The following CTNNA2 variants were observed in gnomAD, a reference collection of about 807,000 sequenced individuals.
The protein encoded by CTNNA2 is catenin alpha 2.
CTNNA2 carries 42 observed loss-of-function variants against 101.0 expected under a neutral mutation model. That is an observed-to-expected ratio of 0.42 (90% CI 0.32 to 0.54). The LOEUF is 0.54. Among genes scored for constraint, CTNNA2 ranks in the 20% least tolerant of loss-of-function variants. The pLI is 0.14. For missense variants in CTNNA2, 871 were observed against 1,223.1 expected, an observed-to-expected ratio of 0.71 and a Z score of 4.29; for synonymous variants, 450 against 456.4, an observed-to-expected ratio of 0.99 and a Z score of 0.18.
chr2:80,453,063 T>A (rs1231700803), intron 9 of CTNNA2, among the ~76,000 whole-genome samples: 1 of 151,976 alleles, frequency 6.6e-6, no homozygotes, highest in Non-Finnish European at 1.5e-5. Context: ...CCACACCCAG[T>A]GGGAATTTGT....
At chr2:79,266,953 T>C (rs1366007516) in intron 2 of CTNNA2, among the ~76,000 whole-genome samples, 1 of 152,082 alleles carries the variant, frequency 6.6e-6, no homozygotes, top group Non-Finnish European at 1.5e-5. Flanking sequence ...TTAGACCTAA[T>C]ATTTGAGCTT....
chr2:79,628,588 T>G (rs1005210386), intron 1 of CTNNA2, among the ~76,000 whole-genome samples: 1 of 152,232 alleles, frequency 6.6e-6, no homozygotes, highest in African/African-American at 2.4e-5. Context: ...AAATGTGCAG[T>G]CCTAACTGAA....
chr2:80,103,144 A>G (rs1700653328), intron 7 of CTNNA2, among the ~76,000 whole-genome samples: 1 of 152,162 alleles, frequency 6.6e-6, no homozygotes. Context: ...AGTCCACTCC[A>G]GCCACCATAA....
In CTNNA2 at chr2:79,680,510, G is replaced by C. The variant is rs914935699; in HGVS notation, c.102+28852G>C. 4.6e-5 allele frequency among the ~76,000 whole-genome samples: 7 copies of C among 152,160 alleles called. No homozygotes were observed. The South Asian group carries it at 1.4e-3, about 31-fold the overall frequency. ...AAAACATTGAGTGTATATGTAAAATGAAGGCTTTTCCTTGAATGTACCACA... is the reference window on the plus strand; with the variant it reads ...AAAACATTGAGTGTATATGTAAAATCAAGGCTTTTCCTTGAATGTACCACA... On this transcript the variant is annotated intron_variant, in intron 2 of 18. Transcript: ENST00000402739.
chr2:79,699,816 C>A (rs9973896), intron 2 of CTNNA2, among the ~76,000 whole-genome samples: 5,644 of 119,698 alleles, frequency 0.047, 140 homozygotes, highest in Middle Eastern at 0.13. Context: ...CACACACACA[C>A]ACACACACAC....
At chr2:80,544,727 A>C (rs1691886951) in intron 9 of CTNNA2, among the ~76,000 whole-genome samples, 1 of 152,110 alleles carries the variant, frequency 6.6e-6, no homozygotes, top group Admixed American at 6.5e-5. Context: ...CATAAGAAAA[A>C]ACAGTTCATA....
intron 3 of CTNNA2, among the ~76,000 whole-genome samples, chr2:79,856,253 G>A (rs1454874433): frequency 1.3e-5 from 2 of 152,154 alleles, no homozygotes; most frequent in African/African-American, 2.4e-5. Flanking sequence ...CCACATTCCC[G>A]AGTATAAAAA....
chr2:79,713,912 C>G (rs1047049577), intron 2 of CTNNA2, among the ~76,000 whole-genome samples: 1 of 152,174 alleles, frequency 6.6e-6, no homozygotes, highest in African/African-American at 2.4e-5. Flanking sequence ...TCATTGATTT[C>G]TTTGCTTATC....
chr2:80,039,226 A>G (rs908806153), intron 7 of CTNNA2, among the ~76,000 whole-genome samples: 2 of 152,144 alleles, frequency 1.3e-5, no homozygotes, highest in Non-Finnish European at 2.9e-5. Context: ...TGAGATAGGT[A>G]GAGTGCCCCT....
chr2:79,362,656 A>G (rs572214476), intron 3 of CTNNA2, among the ~76,000 whole-genome samples: 2 of 152,292 alleles, frequency 1.3e-5, no homozygotes, highest in East Asian at 3.9e-4. Flanking sequence ...ACGCAATGTA[A>G]ACAGAAGAAG....
intron 2 of CTNNA2, among the ~76,000 whole-genome samples, chr2:79,215,810 TGA>T (rs1489735597): frequency 2.0e-5 from 3 of 151,668 alleles, no homozygotes; most frequent in Non-Finnish European, 4.4e-5. Context: ...AGACCGGGTG[TGA>T]GGAGGGGAGG....
chr2:80,124,544 T>G (rs1702014517), intron 7 of CTNNA2, among the ~76,000 whole-genome samples: 1 of 152,164 alleles, frequency 6.6e-6, no homozygotes, highest in South Asian at 2.1e-4. Flanking sequence ...TATCCTCATT[T>G]TTTTCCAAAC....
At chr2:80,060,994 GCCTGAAGCCTCCATTTC>G in intron 7 of CTNNA2, among the ~76,000 whole-genome samples, 1 of 152,058 alleles carries the variant, frequency 6.6e-6, no homozygotes, top group African/African-American at 2.4e-5. Context: ...CCCTGGAATG[GCCTGAAGCCTCCATTTC>G]AACTGCACCA....
intron 2 of CTNNA2, among the ~76,000 whole-genome samples, chr2:79,669,244 C>T (rs1256500425): frequency 6.6e-6 from 1 of 152,180 alleles, no homozygotes; most frequent in Non-Finnish European, 1.5e-5. Flanking sequence ...GTAATAGGAT[C>T]AGTCAAATAT....
At chr2:79,299,192 A>G (rs1271287687) in intron 2 of CTNNA2, among the ~76,000 whole-genome samples, 1 of 152,166 alleles carries the variant, frequency 6.6e-6, no homozygotes, top group Non-Finnish European at 1.5e-5. Flanking sequence ...TGAGTCAGGC[A>G]GGGTGTGATG....
At chr2:79,376,868 C>G (rs1157052475) in intron 4 of CTNNA2, among the ~76,000 whole-genome samples, 3 of 152,164 alleles carry the variant, frequency 2.0e-5, no homozygotes, top group Non-Finnish European at 4.4e-5. Flanking sequence ...GCCACATTTT[C>G]TTGATCTAGT....
chr2:79,966,283 A>G (rs1039221722), intron 7 of CTNNA2, among the ~76,000 whole-genome samples: 16 of 152,120 alleles, frequency 1.1e-4, no homozygotes, highest in African/African-American at 3.9e-4. Context: ...TCACCCAGGC[A>G]GGAGTGCAGT....
intron 7 of CTNNA2, among the ~76,000 whole-genome samples, chr2:79,991,115 G>A (rs888809917): frequency 2.0e-5 from 3 of 152,116 alleles, no homozygotes; most frequent in African/African-American, 7.2e-5. Context: ...GGGATCGGTC[G>A]TGATATCCCC....
chr2:79,685,974 C>T (rs1008185574), intron 2 of CTNNA2, among the ~76,000 whole-genome samples: 14 of 152,032 alleles, frequency 9.2e-5, no homozygotes, highest in Non-Finnish European at 1.3e-4. Context: ...CTAACCCAAG[C>T]TTGGAAGGCA....
Sources: gnomAD v4.1 joint callset for allele counts (sites outside exome capture counted in the v4.1 genomes callset) on GRCh38, gnomAD v4.1.1 for gene constraint, MANE v1.5 for transcripts, NCBI Gene and HGNC (gene_info 2026-07-23, HGNC 2026-07-21) for gene names.